ZNF334: variants seen among roughly 807,000 people sequenced by gnomAD.
The protein encoded by ZNF334 is zinc finger protein 334.
Under a neutral mutation model 12.4 loss-of-function variants are expected in ZNF334, and 14 were observed. The observed-to-expected ratio is 1.13, with a 90% CI of 0.74 to 1.76. The LOEUF is 1.76. Among genes scored for constraint, ZNF334 ranks in the 40% most tolerant of loss-of-function variants. The probability of loss-of-function intolerance (pLI) is 0.00; values close to 1 mark genes in which losing one functional copy is unlikely to be tolerated. For synonymous variants in ZNF334, 273 were observed against 269.6 expected, an observed-to-expected ratio of 1.01 and a Z score of -0.12; for missense variants, 797 against 804.5, an observed-to-expected ratio of 0.99 and a Z score of 0.11.
the ZNF334 span, chr20:46,476,471 T>C: frequency 5.3e-5 from 8 of 152,320 alleles, no homozygotes; most frequent in East Asian, 1.3e-3. Flanking sequence ...GGTTTTGATA[T>C]TGTACTATCA....
chr20:46,494,939 A>G (rs901956059), downstream of ZNF334, among the ~76,000 whole-genome samples: 1 of 152,184 alleles, frequency 6.6e-6, no homozygotes, highest in Non-Finnish European at 1.5e-5. Flanking sequence ...CAATGTCTCC[A>G]GTTTTGTAAA....
chr20:46,464,343 T>G, the ZNF334 span: 1 of 530,432 alleles, frequency 1.9e-6, no homozygotes, highest in African/African-American at 1.9e-5. Flanking sequence ...TAGGACACTA[T>G]GATCTTGCTC....
At chr20:46,507,254 G>C (rs6011976) in intron 2 of ZNF334, among the ~76,000 whole-genome samples, 26,548 of 151,870 alleles carry the variant, frequency 0.17, 2,511 homozygotes, top group Middle Eastern at 0.19. Context: ...GAAAGGGAAG[G>C]GGAAGGGGAA....
chr20:46,502,813 A>C lies in ZNF334; in HGVS notation c.526T>G (p.Leu176Val), dbSNP rs1475918377. The C allele has an allele frequency of 1.2e-6, 2 of 1,613,774 alleles. No individual in the cohort carries two copies. The highest frequency in any genetic ancestry group is 1.7e-5 in the Admixed American group (1 of 60,008). Reference sequence around the variant, plus strand: ...TTGTATCTGTATTTTTTCATTCCCAAATGACTTTTCTCATGCTTCCCAAAT... The same window carrying C: ...TTGTATCTGTATTTTTTCATTCCCACATGACTTTTCTCATGCTTCCCAAAT... ...SGFGKHEKSH[L>V]GMKKYRYNPM... The change falls in exon 5 of 5, where the codon TTG becomes GTG. Residue 176 changes from leucine (L) to valine (V), a missense_variant. Coordinates refer to ENST00000692313, the MANE Select transcript of ZNF334 (RefSeq NM_001353824.2).
rs539171545 is a variant in ZNF334 at position 46,501,423 on chromosome 20, C to T, written c.1916G>A (p.Arg639His). 59 of 1,613,558 alleles carry T rather than the reference C, an allele frequency of 3.7e-5. 1 individual carries two copies. The South Asian group carries it at 4.4e-4, about 12-fold the overall frequency. The change falls in exon 5 of 5, where the codon CGC becomes CAC. Residue 639 changes from arginine (R) to histidine (H), a missense_variant. Transcript: ENST00000692313. ...CTGATGTTCAGTGAGAGTCCACAGG[C>T]GACGGTAGGTTTTCCCACATTGATT... ...ECNQCGKTYR[R>H]LWTLTEHQKI... is the part of the protein sequence containing the mutation.
intron 2 of ZNF334, chr20:46,506,332 G>C (rs1320124041): frequency 3.1e-6 from 2 of 649,408 alleles, no homozygotes; most frequent in Non-Finnish European, 5.6e-6. Flanking sequence ...GGAGATGTAA[G>C]AAAACACACA....
At chr20:46,497,688 G>A (rs188240406), downstream of ZNF334, among the ~76,000 whole-genome samples, 20 of 152,274 alleles carry the variant, frequency 1.3e-4, no homozygotes, top group African/African-American at 4.6e-4. Flanking sequence ...AGACAAATGG[G>A]AAGATAAAAT....
chr20:46,486,936 G>A, the ZNF334 span, among the ~76,000 whole-genome samples: 6 of 151,878 alleles, frequency 4.0e-5, no homozygotes, highest in Admixed American at 3.9e-4. Flanking sequence ...CAGCTTTTTT[G>A]AATTGCTTCT....
chr20:46,463,161 C>T, the ZNF334 span, among the ~76,000 whole-genome samples: 17,208 of 152,084 alleles, frequency 0.11, 1,130 homozygotes, highest in East Asian at 0.18. Context: ...GCAGGAGAAT[C>T]GCTTGAACCT....
the ZNF334 span, among the ~76,000 whole-genome samples, chr20:46,478,408 T>C: frequency 1.3e-5 from 2 of 152,188 alleles, no homozygotes; most frequent in African/African-American, 4.8e-5. Flanking sequence ...AAGGATTAAG[T>C]TATTACCTAA....
chr20:46,489,054 T>C, the ZNF334 span, among the ~76,000 whole-genome samples: 1 of 152,160 alleles, frequency 6.6e-6, no homozygotes, highest in African/African-American at 2.4e-5. Flanking sequence ...TGTGAGTTTA[T>C]AGCTTTTACT....
chr20:46,511,999 T>C (rs772710937), intron 2 of ZNF334, 83 bp downstream of exon 2: 3 of 1,357,448 alleles, frequency 2.2e-6, no homozygotes, highest in Admixed American at 1.7e-5. Context: ...CTGAATTTTA[T>C]ACATTTCGTT....
At chr20:46,479,918 T>C in the ZNF334 span, among the ~76,000 whole-genome samples, 2 of 152,348 alleles carry the variant, frequency 1.3e-5, no homozygotes, top group South Asian at 2.1e-4. Flanking sequence ...TTTCAAACAA[T>C]TGCCAATCAG....
chr20:46,479,344 T>G, the ZNF334 span, among the ~76,000 whole-genome samples: 6 of 152,000 alleles, frequency 3.9e-5, no homozygotes, highest in African/African-American at 1.4e-4. Flanking sequence ...AAAACAAAAA[T>G]CCCAGGCCCC....
At chr20:46,507,197 AAGGG>A (rs2061463237) in intron 2 of ZNF334, among the ~76,000 whole-genome samples, 2 of 151,868 alleles carry the variant, frequency 1.3e-5, no homozygotes, top group African/African-American at 4.8e-5. Context: ...AGGAGAAATG[AAGGG>A]AGGGAGGAAA....
chr20:46,468,137 T>C, the ZNF334 span, among the ~76,000 whole-genome samples: 3 of 152,198 alleles, frequency 2.0e-5, no homozygotes, highest in African/African-American at 4.8e-5. Flanking sequence ...TTTGGTGACC[T>C]GGTGGTGTTG....
At position 46,501,854 on chromosome 20, in the gene ZNF334, A is replaced by G. The variant is rs1282282768; in HGVS notation, c.1485T>C (p.Gly495=). The G allele has an allele frequency of 6.2e-7, 1 of 1,612,944 alleles. No homozygotes were observed. Among genetic ancestry groups the G allele is most frequent in the South Asian group, 1.1e-5 (1 of 91,018 alleles). ...AGTTTGACTTCACAATGGAGATTCT[A>G]CCACATTTATTAAACACACCATGTT... ...GEKHGVFNKC[G]RISIVKSNCS... is the part of the protein sequence containing the mutation. The change falls in exon 5 of 5, where the codon GGT becomes GGC. Residue 495 remains glycine, a synonymous_variant. Coordinates refer to ENST00000692313, the MANE Select transcript of ZNF334 (RefSeq NM_001353824.2).
At chr20:46,481,676 G>T in the ZNF334 span, among the ~76,000 whole-genome samples, 1 of 152,178 alleles carries the variant, frequency 6.6e-6, no homozygotes, top group African/African-American at 2.4e-5. Context: ...TGGGATGAAG[G>T]TGGAGGGATG....
At chr20:46,464,900 A>G in the ZNF334 span, 989 of 523,654 alleles carry the variant, frequency 1.9e-3, 15 homozygotes, top group East Asian at 0.028. Flanking sequence ...TGAGAGACTT[A>G]AGGAAGCAGC....
Sources: gnomAD v4.1 joint callset for allele counts (sites outside exome capture counted in the v4.1 genomes callset) on GRCh38, gnomAD v4.1.1 for gene constraint, MANE v1.5 for transcripts, NCBI Gene and HGNC (gene_info 2026-07-23, HGNC 2026-07-21) for gene names.